OXNAD1: variants seen among roughly 807,000 people sequenced by gnomAD.
The protein encoded by OXNAD1 is oxidoreductase NAD binding domain containing 1.
In OXNAD1, 34 loss-of-function variants were observed where a neutral mutation model predicts 32.9. The observed-to-expected ratio is 1.03, with a 90% confidence interval of 0.79 to 1.38. OXNAD1 has a LOEUF of 1.38. Ranked by LOEUF, OXNAD1 falls within the 40% of genes most tolerant of loss-of-function variation. The pLI is 0.00. For synonymous variants in OXNAD1, 134 were observed against 135.2 expected (o/e 0.99, Z 0.06); for missense variants, 407 against 379.4 (o/e 1.07, Z -0.60).
At chr3:16,325,182 C>G (rs1270155225) in intron 9 of OXNAD1, among the ~76,000 whole-genome samples, 1 of 152,198 alleles carries the variant, frequency 6.6e-6, no homozygotes, top group Non-Finnish European at 1.5e-5. Context: ...CACATAATGG[C>G]TCATTTAAGC....
intron 1 of OXNAD1, among the ~76,000 whole-genome samples, chr3:16,266,205 C>G (rs2064486645): frequency 1.3e-5 from 2 of 152,114 alleles, no homozygotes; most frequent in East Asian, 1.9e-4. Flanking sequence ...GATATAAGAT[C>G]CTTTTTAGAT....
intron 9 of OXNAD1, among the ~76,000 whole-genome samples, chr3:16,328,769 A>G (rs2069991423): frequency 6.6e-6 from 1 of 152,208 alleles, no homozygotes; most frequent in Non-Finnish European, 1.5e-5. Flanking sequence ...TGATGCAGCT[A>G]AGTCTGAGAA....
At position 16,302,189 on chromosome 3, in the gene OXNAD1, A is replaced by G. The variant is rs1441998559; in HGVS notation, c.675+321A>G. 2.6e-5 allele frequency among the ~76,000 whole-genome samples: 4 copies of G among 152,220 alleles called. No individual in the cohort carries two copies. The highest frequency in any genetic ancestry group is 5.9e-5 in the Non-Finnish European group (4 of 68,036). ...CAGTGGACTAGTGTATCACAGGAGT[A>G]GGTAAGACTTAGACAGTTTGGACCC... On this transcript the variant is annotated intron_variant, in intron 7 of 8. Coordinates refer to ENST00000285083, the MANE Select transcript of OXNAD1 (RefSeq NM_138381.5). This position sits in a 1 kb window ranked among gnomAD's most constrained non-coding sequence, Gnocchi z 4.2.
intron 4 of OXNAD1, among the ~76,000 whole-genome samples, chr3:16,282,483 G>A (rs1052496088): frequency 1.3e-5 from 2 of 152,094 alleles, no homozygotes; most frequent in Non-Finnish European, 2.9e-5. Context: ...GAGCCTTACT[G>A]TGTGTTGGGC....
chr3:16,328,862 T>C (rs2069999305), intron 9 of OXNAD1, among the ~76,000 whole-genome samples: 1 of 152,232 alleles, frequency 6.6e-6, no homozygotes, highest in Admixed American at 6.5e-5. Context: ...AGCTGTTGCC[T>C]CAAATCTAAC....
At position 16,320,716 on chromosome 3, in the gene OXNAD1, T is replaced by C. The variant is rs757637737; in HGVS notation, c.*31-16396T>C. On this transcript the variant is annotated intron_variant, in intron 9 of 9. Coordinates refer to the OXNAD1 transcript ENST00000435829. This position sits in a 1 kb window ranked among gnomAD's most constrained non-coding sequence, Gnocchi z 4.5. ...GAGCTAGAAAGGAGGAGAATGTCCTTGGCAGAGGGGACACGGAAGAACTGG... is the reference window on the plus strand; with the variant it reads ...GAGCTAGAAAGGAGGAGAATGTCCTCGGCAGAGGGGACACGGAAGAACTGG... Among the ~76,000 whole-genome samples, 4 of 152,150 alleles carry C rather than the reference T, an allele frequency of 2.6e-5. No homozygotes were observed. The highest frequency in any genetic ancestry group is 5.9e-5 in the Non-Finnish European group (4 of 68,020).
At chr3:16,307,727 A>AT (rs1346172813), downstream of OXNAD1, among the ~76,000 whole-genome samples, 2 of 90,620 alleles carry the variant, frequency 2.2e-5, no homozygotes, top group East Asian at 3.1e-4. Context: ...GGGTTGTTTT[A>AT]TTTTTTAAAC....
In OXNAD1 at chr3:16,317,494, T is replaced by G. The variant is rs1239814193; in HGVS notation, c.*30+13902T>G. ...TGTTGGGGCAGAGCAGTATTTCTTT[T>G]GACTGGCTCTATACCAAAGGCCCAC... On this transcript the variant is annotated intron_variant, in intron 9 of 9. Coordinates refer to the OXNAD1 transcript ENST00000435829. This position sits in a 1 kb window ranked among gnomAD's most constrained non-coding sequence, Gnocchi z 4.3. 6.6e-6 allele frequency among the ~76,000 whole-genome samples: 1 copy of G among 152,172 alleles called. No homozygotes were observed. The highest frequency in any genetic ancestry group is 1.5e-5 in the Non-Finnish European group (1 of 68,026).
rs1389018393 is a variant in OXNAD1, at chr3:16,301,854, G to A, written c.661G>A (p.Glu221Lys). ...ATTCTACAGTGCAAAAAATACCAGC[G>A]AACTCCTGTTTAAGGTAAGGGAGGT... ...KLFYSAKNTS[E>K]LLFKKNILDL... The change falls in exon 7 of 9, where the codon GAA becomes AAA. Residue 221 changes from glutamate (E) to lysine (K), a missense_variant. Transcript: ENST00000285083. The surrounding 1 kb of genome is among the most constrained non-coding windows in gnomAD (Gnocchi z 4.1). 11 of 1,613,894 alleles carry A rather than the reference G, an allele frequency of 6.8e-6. No individual in the cohort carries two copies. The highest frequency in any genetic ancestry group is 1.7e-4 in the Middle Eastern group (1 of 6,058).
intron 9 of OXNAD1, chr3:16,347,862 T>C (rs1380187859): frequency 1.3e-5 from 2 of 152,254 alleles, no homozygotes; most frequent in Non-Finnish European, 2.9e-5. Flanking sequence ...AGGTTCCCTA[T>C]AAGGAGACCC....
At chr3:16,324,622 C>CCCCT (rs1485216643) in intron 9 of OXNAD1, among the ~76,000 whole-genome samples, 1 of 135,166 alleles carries the variant, frequency 7.4e-6, no homozygotes, top group Non-Finnish European at 1.7e-5. Context: ...GACCCCCCCC[C>CCCCT]TTTTAAGGTT....
At position 16,322,182 on chromosome 3, in the gene OXNAD1, T is replaced by A. The variant is rs538180; in HGVS notation, c.*31-14930T>A. On this transcript the variant is annotated intron_variant, in intron 9 of 9. Coordinates refer to the OXNAD1 transcript ENST00000435829. This position sits in a 1 kb window ranked among gnomAD's most constrained non-coding sequence, Gnocchi z 6.2. Reference sequence around the variant, plus strand: ...CTGGTGGCTGCCTGCTCCTGGTGGTTGATGGTGGGCTGGCAGTTCCCTTCT... The same window carrying A: ...CTGGTGGCTGCCTGCTCCTGGTGGTAGATGGTGGGCTGGCAGTTCCCTTCT... Among the ~76,000 whole-genome samples the A allele has an allele frequency of 0.34, 52,324 of 152,084 alleles. 9,898 individuals carry two copies. Among genetic ancestry groups the A allele is most frequent in the Non-Finnish European group, 0.42 (28,280 of 67,982 alleles).
chr3:16,320,346 G>T lies in OXNAD1; in HGVS notation c.*30+16754G>T, dbSNP rs2068904740. On this transcript the variant is annotated intron_variant, in intron 9 of 9. Coordinates refer to the OXNAD1 transcript ENST00000435829. The surrounding 1 kb of genome is among the most constrained non-coding windows in gnomAD (Gnocchi z 4.5). ...TGCTGATTAAAAGAAGACTAAATAT[G>T]CCACATCCTCGGTGTGCCAATCTTG... 6.6e-6 allele frequency among the ~76,000 whole-genome samples: 1 copy of T among 152,208 alleles called. No individual in the cohort carries two copies. Among genetic ancestry groups the T allele is most frequent in the South Asian group, 2.1e-4 (1 of 4,834 alleles).
intron 6 of OXNAD1, among the ~76,000 whole-genome samples, chr3:16,296,763 T>C (rs2066826763): frequency 6.6e-6 from 1 of 152,160 alleles, no homozygotes; most frequent in Admixed American, 6.5e-5. Context: ...TGGAACAATT[T>C]TGCATCTAGA....
At chr3:16,279,961 G>A (rs558033380) in intron 4 of OXNAD1, among the ~76,000 whole-genome samples, 17 of 152,166 alleles carry the variant, frequency 1.1e-4, no homozygotes, top group Non-Finnish European at 2.1e-4. Flanking sequence ...TTTGTTTGTT[G>A]TATTTTGAAA....
chr3:16,326,853 G>A (rs146826796), intron 9 of OXNAD1: 119 of 1,613,962 alleles, frequency 7.4e-5, no homozygotes, highest in African/African-American at 5.9e-4. Context: ...GCAGGGGCAC[G>A]TAGTCTGTCT....
At chr3:16,323,080 G>A (rs1049845828) in intron 9 of OXNAD1, among the ~76,000 whole-genome samples, 7 of 152,178 alleles carry the variant, frequency 4.6e-5, no homozygotes, top group African/African-American at 7.2e-5. Flanking sequence ...CTGACTTCGT[G>A]CCCTTCTTTT....
downstream of OXNAD1, among the ~76,000 whole-genome samples, chr3:16,307,236 A>G (rs1381180417): frequency 6.6e-6 from 1 of 152,172 alleles, no homozygotes; most frequent in Non-Finnish European, 1.5e-5. Flanking sequence ...GATTGTTTTC[A>G]TCCATTACAG....
chr3:16,285,637 T>C (rs2125039532), intron 4 of OXNAD1, among the ~76,000 whole-genome samples: 1 of 152,288 alleles, frequency 6.6e-6, no homozygotes, highest in African/African-American at 2.4e-5. Flanking sequence ...TTTCCAGAAA[T>C]CAGATACATC....
Sources: gnomAD v4.1 joint callset for allele counts (sites outside exome capture counted in the v4.1 genomes callset) on GRCh38, gnomAD v4.1.1 for gene constraint, Gnocchi (gnomAD v3.1) non-coding constraint, MANE v1.5 for transcripts, NCBI Gene and HGNC (gene_info 2026-07-23, HGNC 2026-07-21) for gene names.